Variants in ROBO2 observed in about 807,000 individuals in gnomAD.
ROBO2 encodes the protein roundabout homolog 2.
ROBO2 carries 53 observed loss-of-function variants against 160.8 expected under a neutral mutation model. The observed-to-expected ratio is 0.33, with a 90% CI of 0.26 to 0.41. ROBO2 has a LOEUF of 0.41. Among genes scored for constraint, ROBO2 ranks in the 10% least tolerant of loss-of-function variants. The probability of loss-of-function intolerance (pLI) is 1.00; values close to 1 mark genes in which losing one functional copy is unlikely to be tolerated. For synonymous variants in ROBO2, 664 were observed against 611.7 expected (o/e 1.09, Z -1.26); for missense variants, 1,577 against 1,722.4 (o/e 0.92, Z 1.49).
chr3:76,819,526 A>G (rs891387050), intron 2 of ROBO2, among the ~76,000 whole-genome samples: 3 of 151,972 alleles, frequency 2.0e-5, no homozygotes, highest in Non-Finnish European at 2.9e-5. Flanking sequence ...AGACACTGAA[A>G]CATCTCTAAA....
chr3:76,294,122 T>C (rs1708947623), intron 2 of ROBO2, among the ~76,000 whole-genome samples: 1 of 152,162 alleles, frequency 6.6e-6, no homozygotes, highest in African/African-American at 2.4e-5. Context: ...GCCACAACTT[T>C]GCTCCAAAAT....
chr3:77,434,264 C>G (rs2079071763), intron 2 of ROBO2, among the ~76,000 whole-genome samples: 1 of 152,020 alleles, frequency 6.6e-6, no homozygotes, highest in Admixed American at 6.6e-5. Context: ...CAGAACTTAC[C>G]TCATATCCTT....
At chr3:76,077,659 T>TA (rs2068686741) in intron 2 of ROBO2, among the ~76,000 whole-genome samples, 1 of 152,020 alleles carries the variant, frequency 6.6e-6, no homozygotes, top group Non-Finnish European at 1.5e-5. Flanking sequence ...TACTATTATT[T>TA]AAAAAAAGAA....
chr3:77,041,628 G>C (rs2064110785), intron 1 of ROBO2, among the ~76,000 whole-genome samples: 1 of 152,150 alleles, frequency 6.6e-6, no homozygotes. Context: ...TTTCTTGTGC[G>C]ACTATTGCAA....
intron 2 of ROBO2, among the ~76,000 whole-genome samples, chr3:76,788,842 C>T (rs1476102169): frequency 6.6e-6 from 1 of 151,462 alleles, no homozygotes; most frequent in East Asian, 2.0e-4. Flanking sequence ...CTAGGGGATA[C>T]TAAGAGAAAG....
chr3:76,049,383 G>GTGTGTAAATATATATATATATATATA (rs1440395230), intron 2 of ROBO2, among the ~76,000 whole-genome samples: 10 of 36,808 alleles, frequency 2.7e-4, no homozygotes, highest in African/African-American at 3.4e-4. Context: ...GCTAATTTTA[G>GTGTGTAAATATATATATATATATATA]TATATATATA....
At chr3:76,102,365 C>T (rs970552464) in intron 2 of ROBO2, among the ~76,000 whole-genome samples, 5 of 152,206 alleles carry the variant, frequency 3.3e-5, no homozygotes, top group African/African-American at 1.2e-4. Context: ...TGTAAAATTT[C>T]GAAGGACATT....
chr3:76,781,752 C>T (rs553273948), intron 2 of ROBO2, among the ~76,000 whole-genome samples: 2 of 150,642 alleles, frequency 1.3e-5, no homozygotes, highest in South Asian at 2.1e-4. Flanking sequence ...TTGATCATAG[C>T]GAATGATTCT....
Position 76,537,606 on chromosome 3 carries a change from T to C in ROBO2, c.110-560408T>C, listed in dbSNP as rs577938244. Among the ~76,000 whole-genome samples the C allele has an allele frequency of 2.0e-5, 3 of 152,140 alleles. No homozygotes were observed. The East Asian group carries it at 5.8e-4, about 30-fold the overall frequency. On this transcript the variant is annotated intron_variant, in intron 2 of 26. Coordinates refer to the ROBO2 transcript ENST00000487694. ...GACCCAAGGTCATATGTGGATCTCC[T>C]CATGGAGAGAGGGTGAGGACAGGGA...
chr3:76,385,801 T>A (rs2076855636), intron 2 of ROBO2, among the ~76,000 whole-genome samples: 1 of 152,186 alleles, frequency 6.6e-6, no homozygotes, highest in Admixed American at 6.5e-5. Context: ...AAGACTGATT[T>A]AAGTGGAGAA....
chr3:76,599,908 T>C (rs936271663), intron 2 of ROBO2, among the ~76,000 whole-genome samples: 29 of 152,202 alleles, frequency 1.9e-4, no homozygotes, highest in Non-Finnish European at 3.5e-4. Context: ...TGTTTTTTCT[T>C]GCAAATTTAA....
At chr3:77,463,179 T>C (rs982950038) in intron 2 of ROBO2, among the ~76,000 whole-genome samples, 2 of 152,140 alleles carry the variant, frequency 1.3e-5, no homozygotes, top group Non-Finnish European at 2.9e-5. Context: ...AAGTGGGTGA[T>C]TGAGAAATAA....
At chr3:76,560,576 A>G (rs1236015342) in intron 2 of ROBO2, among the ~76,000 whole-genome samples, 1 of 150,470 alleles carries the variant, frequency 6.6e-6, no homozygotes, top group East Asian at 2.0e-4. Flanking sequence ...CACTACTGAT[A>G]TGACTACTAG....
At chr3:76,183,951 A>G (rs950456815) in intron 2 of ROBO2, among the ~76,000 whole-genome samples, 28 of 152,150 alleles carry the variant, frequency 1.8e-4, no homozygotes, top group Non-Finnish European at 2.8e-4. Context: ...ATAACTCATT[A>G]TTTCTTGAAT....
chr3:76,214,837 G>T (rs1320156074), intron 2 of ROBO2, among the ~76,000 whole-genome samples: 1 of 152,230 alleles, frequency 6.6e-6, no homozygotes, highest in African/African-American at 2.4e-5. Flanking sequence ...CACGCAGCTG[G>T]AGATCTGAGA....
At chr3:76,348,105 G>A (rs1026018819) in intron 2 of ROBO2, among the ~76,000 whole-genome samples, 4 of 141,928 alleles carry the variant, frequency 2.8e-5, no homozygotes, top group Non-Finnish European at 4.4e-5. Flanking sequence ...AGCATCGTCC[G>A]CCCAAGCACT....
chr3:76,481,094 A>C (rs369841650), intron 2 of ROBO2, among the ~76,000 whole-genome samples: 3 of 152,172 alleles, frequency 2.0e-5, no homozygotes, highest in Non-Finnish European at 4.4e-5. Context: ...GATATGAGCA[A>C]GGAAATGCGT....
intron 2 of ROBO2, among the ~76,000 whole-genome samples, chr3:77,332,372 G>T (rs1463825165): frequency 6.6e-6 from 1 of 152,088 alleles, no homozygotes; most frequent in East Asian, 1.9e-4. Context: ...CTTCATGATC[G>T]GGTCTGGTCC....
At chr3:76,126,581 A>G (rs766189906) in intron 2 of ROBO2, among the ~76,000 whole-genome samples, 13 of 152,146 alleles carry the variant, frequency 8.5e-5, no homozygotes, top group Non-Finnish European at 4.4e-5. Context: ...GCAAGAAAAG[A>G]TTTAAAATTT....
Sources: gnomAD v4.1 joint callset for allele counts (sites outside exome capture counted in the v4.1 genomes callset) on GRCh38, gnomAD v4.1.1 for gene constraint, MANE v1.5 for transcripts, NCBI Gene and HGNC (gene_info 2026-07-23, HGNC 2026-07-21) for gene names.